Variants in MAML3 observed in about 807,000 individuals in gnomAD.
The protein encoded by MAML3 is mastermind like transcriptional coactivator 3.
Under a neutral mutation model 101.9 loss-of-function variants are expected in MAML3, and 27 were observed. The ratio of observed to expected loss-of-function variants is 0.27; its 90% CI spans 0.20 to 0.37. The LOEUF (loss-of-function observed/expected upper bound fraction) is 0.37. Among genes scored for constraint, MAML3 ranks in the 10% least tolerant of loss-of-function variants. MAML3 has a pLI of 1.00. For synonymous variants in MAML3, 501 were observed against 555.9 expected (o/e 0.90, Z 1.39); for missense variants, 1,316 against 1,444.9 (o/e 0.91, Z 1.45).
At chr4:139,829,091 A>G (rs1169982989) in intron 2 of MAML3, among the ~76,000 whole-genome samples, 1 of 148,542 alleles carries the variant, frequency 6.7e-6, no homozygotes, top group Non-Finnish European at 1.5e-5. Context: ...GAAGGAAGGA[A>G]GGGGAAAAGG....
chr4:139,966,662 G>A (rs868509717), intron 1 of MAML3, among the ~76,000 whole-genome samples: 2 of 152,210 alleles, frequency 1.3e-5, no homozygotes, highest in African/African-American at 2.4e-5. Flanking sequence ...AGTAACCAGA[G>A]ATGTGGGCTA....
intron 2 of MAML3, among the ~76,000 whole-genome samples, chr4:139,852,913 TGG>T (rs922882931): frequency 6.6e-6 from 1 of 152,240 alleles, no homozygotes; most frequent in African/African-American, 2.4e-5. Flanking sequence ...TGGGCAATCT[TGG>T]GCAAGTCTTG....
intron 1 of MAML3, among the ~76,000 whole-genome samples, chr4:139,942,290 T>C (rs1353255851): frequency 6.6e-6 from 1 of 152,168 alleles, no homozygotes; most frequent in Non-Finnish European, 1.5e-5. Context: ...ATTACATTAA[T>C]AGCCCAGCTA....
intron 1 of MAML3, among the ~76,000 whole-genome samples, chr4:140,075,239 G>C (rs556416413): frequency 1.3e-5 from 2 of 152,320 alleles, no homozygotes; most frequent in South Asian, 4.1e-4. Flanking sequence ...GCAAGTGGCA[G>C]AGACAGGAAT....
chr4:139,768,705 A>G (rs1729914050), intron 2 of MAML3, among the ~76,000 whole-genome samples: 1 of 152,210 alleles, frequency 6.6e-6, no homozygotes, highest in African/African-American at 2.4e-5. Flanking sequence ...TTGGTGGGCC[A>G]GGGCAGAGAC....
At chr4:139,791,838 A>G (rs982985477) in intron 2 of MAML3, among the ~76,000 whole-genome samples, 26 of 152,190 alleles carry the variant, frequency 1.7e-4, no homozygotes, top group African/African-American at 6.0e-4. Flanking sequence ...CCTTACCAAC[A>G]TAAGCTATTG....
chr4:140,073,251 C>T (rs1423492746), intron 1 of MAML3, among the ~76,000 whole-genome samples: 2 of 151,858 alleles, frequency 1.3e-5, no homozygotes, highest in African/African-American at 2.4e-5. Context: ...AATTCTCGTG[C>T]CTCAACCTCC....
intron 1 of MAML3, among the ~76,000 whole-genome samples, chr4:140,110,906 A>G (rs779424579): frequency 6.6e-6 from 1 of 152,244 alleles, no homozygotes; most frequent in South Asian, 2.1e-4. Context: ...AAGCAATTTC[A>G]TATGATGGAA....
chr4:139,832,774 T>C (rs1279374148), intron 2 of MAML3, among the ~76,000 whole-genome samples: 1 of 152,366 alleles, frequency 6.6e-6, no homozygotes, highest in East Asian at 1.9e-4. Flanking sequence ...CAGAGGTCCA[T>C]ACGAGCACAT....
chr4:139,829,734 T>A (rs763314519), intron 2 of MAML3, among the ~76,000 whole-genome samples: 18 of 152,242 alleles, frequency 1.2e-4, no homozygotes, highest in Non-Finnish European at 2.5e-4. Context: ...GTATGTGGTT[T>A]ATGTTATGTT....
chr4:139,861,893 G>C (rs1385485883), intron 2 of MAML3, among the ~76,000 whole-genome samples: 1 of 152,122 alleles, frequency 6.6e-6, no homozygotes, highest in Non-Finnish European at 1.5e-5. Context: ...CTGCACACTG[G>C]AATCGCCTGG....
chr4:140,125,774 TTTG>T (rs554330299), intron 1 of MAML3, among the ~76,000 whole-genome samples: 41 of 150,854 alleles, frequency 2.7e-4, no homozygotes, highest in African/African-American at 2.4e-4. Flanking sequence ...TACAGGTGTT[TTTG>T]TTGTTGTTGT....
Position 139,720,014 on chromosome 4 carries a change from A to G in MAML3, c.2726T>C (p.Val909Ala), listed in dbSNP as rs559193747. The part of the protein sequence containing the change: ...GPRQPASGQG[V>A]GMVSGFGQSM... ...CTGACCAAAGCCACTCACCATTCCAACCCCCTGCCCAGAGGCAGGTTGCCT... is the reference window on the plus strand; with the variant it reads ...CTGACCAAAGCCACTCACCATTCCAGCCCCCTGCCCAGAGGCAGGTTGCCT... Residue 909 changes from valine to alanine, a missense_variant, in exon 5 of 5, where the codon GTT becomes GCT. Transcript: ENST00000509479. 35 of 1,613,778 alleles carry G rather than the reference A, an allele frequency of 2.2e-5. 1 individual carries two copies. The South Asian group carries it at 3.8e-4, about 18-fold the overall frequency.
chr4:139,966,307 G>A (rs576874161), intron 1 of MAML3, among the ~76,000 whole-genome samples: 25 of 151,936 alleles, frequency 1.6e-4, no homozygotes, highest in Non-Finnish European at 2.9e-4. Flanking sequence ...CATTTTAACC[G>A]AGCACCCCAC....
intron 1 of MAML3, among the ~76,000 whole-genome samples, chr4:140,151,640 G>GCTCCA (rs1489100050): frequency 1.3e-5 from 2 of 150,282 alleles, no homozygotes; most frequent in African/African-American, 4.9e-5. Flanking sequence ...GCCCCGGCAC[G>GCTCCA]CTCCAGGATT....
intron 1 of MAML3, among the ~76,000 whole-genome samples, chr4:140,012,773 T>C (rs1726582999): frequency 6.6e-6 from 1 of 152,182 alleles, no homozygotes; most frequent in Non-Finnish European, 1.5e-5. Context: ...ATTATGCAGA[T>C]ATCCAATGAG....
intron 1 of MAML3, among the ~76,000 whole-genome samples, chr4:139,926,011 G>A (rs113127393): frequency 2.6e-5 from 4 of 152,120 alleles, no homozygotes; most frequent in African/African-American, 9.7e-5. Context: ...GTGATGGGAA[G>A]GTCCAGAAAA....
At chr4:140,028,208 A>T (rs1726856581) in intron 1 of MAML3, among the ~76,000 whole-genome samples, 1 of 152,206 alleles carries the variant, frequency 6.6e-6, no homozygotes, top group South Asian at 2.1e-4. Flanking sequence ...TTTACTATAC[A>T]TTAGCAACAC....
chr4:139,957,374 G>A (rs566902560), intron 1 of MAML3, among the ~76,000 whole-genome samples: 2 of 152,344 alleles, frequency 1.3e-5, no homozygotes, highest in African/African-American at 4.8e-5. Context: ...ACCAGGCTCT[G>A]CTAGACTAAA....
Sources: allele counts gnomAD v4.1 joint callset (sites outside exome capture counted in the v4.1 genomes callset), GRCh38; gene constraint gnomAD v4.1.1; transcripts MANE v1.5; gene names NCBI Gene and HGNC (gene_info 2026-07-23, HGNC 2026-07-21).